The following LOXHD1 variants were observed in gnomAD, a reference collection of about 807,000 sequenced individuals.
LOXHD1 encodes the protein lipoxygenase homology domain-containing protein 1.
A neutral mutation model predicts 248.2 loss-of-function variants in LOXHD1; 205 were observed. The observed-to-expected ratio is 0.83, with a 90% confidence interval of 0.74 to 0.93. LOXHD1 has a LOEUF of 0.93. LOXHD1 is among the 40% of genes least tolerant of loss of function. The pLI, the probability that LOXHD1 is intolerant of heterozygous loss-of-function variation, is 0.00. For missense variants in LOXHD1, 2,930 were observed against 2,971.6 expected (o/e 0.99, Z 0.33); for synonymous variants, 1,113 against 1,162.8 (o/e 0.96, Z 0.87).
Position 46,533,293 on chromosome 18 carries a change from C to A in LOXHD1, c.4244G>T (p.Arg1415Leu). 6.4e-7 allele frequency: 1 copy of A among 1,551,786 alleles called. No individual in the cohort carries two copies. Among genetic ancestry groups the A allele is most frequent in the Non-Finnish European group, 8.7e-7 (1 of 1,147,010 alleles). ...GAETLTFPCDRWLATSEDDKK... is the reference protein window; with the variant it reads ...GAETLTFPCDLWLATSEDDKK... ...GTCATCCTCAGAGGTGGCAAGCCAC[C>A]GATCGCATGGGAAAGTCAAGGTCTC... Residue 1415 changes from arginine to leucine, a missense_variant, in exon 28 of 41, where the codon CGG (arginine) becomes CTG (leucine). Physicochemically the swap from Arg to Leu is moderately radical, Grantham distance 102 (BLOSUM62 -2). Transcript: ENST00000642948.
intron 4 of LOXHD1, among the ~76,000 whole-genome samples, chr18:46,622,855 T>C (rs958315303): frequency 6.6e-6 from 1 of 152,214 alleles, no homozygotes; most frequent in Admixed American, 6.5e-5. Context: ...GCACCGCTTC[T>C]GCAATCTTAG....
intron 12 of LOXHD1, among the ~76,000 whole-genome samples, chr18:46,590,872 A>T (rs62097110): frequency 0.79 from 120,918 of 152,154 alleles, 48,577 homozygotes; most frequent in Non-Finnish European, 0.86. Context: ...ATTCTACACA[A>T]ATATTCTTCA....
Position 46,520,576 on chromosome 18 carries a change from C to T in LOXHD1, c.5271+521G>A, listed in dbSNP as rs1015200183. On this transcript the variant is annotated intron_variant, in intron 33 of 40. Coordinates refer to ENST00000642948, the MANE Select transcript of LOXHD1 (RefSeq NM_001384474.1). ...GATGGAGCCAGGACCGAAGCTCAGA[C>T]CTCTTGCCCTCCAGGCTTTTTCAGT... The T allele has an allele frequency of 1.7e-5, 5 of 293,582 alleles. No homozygotes were observed. In the East Asian group the frequency reaches 4.9e-4, roughly 29 times the overall value. 18.2% of individuals were successfully genotyped at this position (293,582 alleles called of 1,614,324 possible).
In LOXHD1 at chr18:46,560,448, C is replaced by T. The variant is rs745683775; in HGVS notation, c.2696G>A (p.Arg899Gln). 20 of 1,543,534 alleles carry T rather than the reference C, an allele frequency of 1.3e-5. No individual in the cohort carries two copies. Among genetic ancestry groups the T allele is most frequent in the Admixed American group, 1.2e-4 (6 of 51,000 alleles). Residue 899 changes from arginine (R) to glutamine (Q), a missense_variant, in exon 19 of 41, where the codon CGG becomes CAG. Physicochemically the swap from Arg to Gln is conservative, Grantham distance 43. Coordinates refer to ENST00000642948, the MANE Select transcript of LOXHD1 (RefSeq NM_001384474.1). ...GTCCACCTCCCGCACCACCAGGTGC[C>T]GCAGCCACACGGTGTCCACGAACCA... is the stretch of plus-strand genomic sequence containing the variant. ...PSWFVDTVWL[R>Q]HLVVREVDLT...
Position 46,489,018 on chromosome 18 carries a change from G to A in LOXHD1, c.6003C>T (p.Asp2001=). Residue 2001 remains aspartate (D), a synonymous_variant, in exon 38 of 41, where the codon GAC becomes GAT. Coordinates refer to ENST00000642948, the MANE Select transcript of LOXHD1 (RefSeq NM_001384474.1). ...AGATCTTGTTGTTGGCACAGGCAAA[G>A]TCGCGGACCGTCTGCCCGTCACCCT... ...KSEGDGQTVR[D]FACANNKICD... 6.4e-7 allele frequency: 1 copy of A among 1,551,676 alleles called. No individual in the cohort carries two copies. Among genetic ancestry groups the A allele is most frequent in the Non-Finnish European group, 8.7e-7 (1 of 1,146,992 alleles).
At position 46,576,792 on chromosome 18, in the gene LOXHD1, GT is replaced by G. The variant is rs1441021132; in HGVS notation, c.1970+914del. On this transcript the variant is annotated intron_variant, in intron 14 of 40. Coordinates refer to ENST00000642948, the MANE Select transcript of LOXHD1 (RefSeq NM_001384474.1). ...AAACTACTGGGCCTGGGTTGGTGGGGTGCTAAGTAATTCAGCTGCAGCAGAT... is the reference window on the plus strand; with the variant it reads ...AAACTACTGGGCCTGGGTTGGTGGGGGCTAAGTAATTCAGCTGCAGCAGAT... 3.9e-5 allele frequency among the ~76,000 whole-genome samples: 6 copies of G among 152,172 alleles called. No individual in the cohort carries two copies. In the East Asian group the frequency reaches 1.2e-3, roughly 29 times the overall value.
intron 18 of LOXHD1, among the ~76,000 whole-genome samples, chr18:46,561,104 C>T (rs947774745): frequency 6.6e-5 from 10 of 152,098 alleles, no homozygotes; most frequent in African/African-American, 2.4e-4. Flanking sequence ...AAAATTTCAC[C>T]CACACCCACA....
chr18:46,608,447 C>G (rs1418473197), intron 6 of LOXHD1, among the ~76,000 whole-genome samples: 1 of 152,172 alleles, frequency 6.6e-6, no homozygotes, highest in South Asian at 2.1e-4. Context: ...GAGGGTGAAA[C>G]TGTTCACCCT....
chr18:46,518,952 G>T, intron 33 of LOXHD1: 1 of 985,518 alleles, frequency 1.0e-6, no homozygotes, highest in Non-Finnish European at 1.2e-6. Context: ...TTGAGATTGG[G>T]GTTTTGCCAT....
intron 37 of LOXHD1, among the ~76,000 whole-genome samples, chr18:46,501,476 C>A (rs2034227396): frequency 6.6e-6 from 1 of 152,186 alleles, no homozygotes; most frequent in Admixed American, 6.5e-5. Flanking sequence ...TGCAAGAAGG[C>A]TGTAACGTGC....
intron 29 of LOXHD1, among the ~76,000 whole-genome samples, chr18:46,526,883 T>A (rs969163638): frequency 6.6e-6 from 1 of 152,130 alleles, no homozygotes; most frequent in Non-Finnish European, 1.5e-5. Flanking sequence ...GGCAATTGAT[T>A]GGATGTGGGT....
intron 34 of LOXHD1, among the ~76,000 whole-genome samples, chr18:46,510,408 A>G (rs932685715): frequency 6.6e-6 from 1 of 152,190 alleles, no homozygotes; most frequent in African/African-American, 2.4e-5. Flanking sequence ...AATAGAAGGT[A>G]ATGCTGCTTT....
At chr18:46,509,344 A>G (rs1320622449) in intron 35 of LOXHD1, among the ~76,000 whole-genome samples, 1 of 152,026 alleles carries the variant, frequency 6.6e-6, no homozygotes, top group Non-Finnish European at 1.5e-5. Context: ...AGTTCCCACC[A>G]TGGCAGCCTC....
chr18:46,549,943 C>T (rs2037016865), intron 21 of LOXHD1, among the ~76,000 whole-genome samples: 1 of 152,114 alleles, frequency 6.6e-6, no homozygotes, highest in South Asian at 2.1e-4. Context: ...TTGGCATTTG[C>T]CTCTTTGTCT....
At chr18:46,613,047 T>C (rs946905952) in intron 5 of LOXHD1, among the ~76,000 whole-genome samples, 3 of 152,262 alleles carry the variant, frequency 2.0e-5, no homozygotes, top group Admixed American at 1.3e-4. Flanking sequence ...AGCATTATTT[T>C]CATTATTCAA....
At chr18:46,483,493 C>T in intron 40 of LOXHD1, 94 bp downstream of exon 40, 1 of 1,458,166 alleles carries the variant, frequency 6.9e-7, no homozygotes, top group Non-Finnish European at 9.4e-7. Flanking sequence ...AAGAAGAGAC[C>T]TCATCATACC....
intron 23 of LOXHD1, chr18:46,544,746 T>C (rs2036720682): frequency 2.2e-6 from 1 of 463,252 alleles, no homozygotes; most frequent in Admixed American, 2.4e-5. Context: ...GTCTCCATGC[T>C]CTCTACCAGC....
intron 8 of LOXHD1, among the ~76,000 whole-genome samples, chr18:46,599,403 C>T (rs1220905565): frequency 6.6e-6 from 1 of 152,014 alleles, no homozygotes; most frequent in Non-Finnish European, 1.5e-5. Flanking sequence ...ATTTGCATAT[C>T]TCCATGGAAA....
At chr18:46,648,355 T>C (rs2039059950) in intron 2 of LOXHD1, among the ~76,000 whole-genome samples, 1 of 152,212 alleles carries the variant, frequency 6.6e-6, no homozygotes, top group African/African-American at 2.4e-5. Flanking sequence ...TCCATGACTC[T>C]GAGCTACTCA....
Sources: allele counts gnomAD v4.1 joint callset (sites outside exome capture counted in the v4.1 genomes callset), GRCh38; gene constraint gnomAD v4.1.1; transcripts MANE v1.5; gene names NCBI Gene and HGNC (gene_info 2026-07-23, HGNC 2026-07-21).